The following HAO2 variants were observed in gnomAD, a reference collection of about 807,000 sequenced individuals.
HAO2 encodes the protein hydroxyacid oxidase 2, also known as 2-Hydroxyacid oxidase 2.
HAO2 carries 42 observed loss-of-function variants against 37.4 expected under a neutral mutation model. That is an observed-to-expected ratio of 1.12 (90% CI 0.88 to 1.45). The LOEUF (loss-of-function observed/expected upper bound fraction) is 1.45, where lower values mean the gene tolerates loss of function less well. Ranked by LOEUF, HAO2 falls within the 40% of genes most tolerant of loss-of-function variation. The probability of loss-of-function intolerance (pLI) is 0.00; values close to 1 mark genes in which losing one functional copy is unlikely to be tolerated. For synonymous variants in HAO2, 180 were observed against 162.8 expected (o/e 1.11, Z -0.81); for missense variants, 476 against 430.2 (o/e 1.11, Z -0.94).
intron 1 of HAO2, among the ~76,000 whole-genome samples, chr1:119,377,328 T>C (rs916111253): frequency 1.3e-5 from 2 of 152,198 alleles, no homozygotes; most frequent in Non-Finnish European, 2.9e-5. Context: ...ACCTTCATTC[T>C]AGTTGCCAAC....
intron 5 of HAO2, among the ~76,000 whole-genome samples, chr1:119,389,765 T>A (rs1474659059): frequency 1.3e-5 from 2 of 152,144 alleles, no homozygotes; most frequent in African/African-American, 4.8e-5. Flanking sequence ...AGACTGTTCC[T>A]CTGCCATACA....
At chr1:119,380,376 C>T in intron 1 of HAO2, 1 of 316,822 alleles carries the variant, frequency 3.2e-6, no homozygotes, top group East Asian at 5.3e-5. Context: ...CCCAAATTAG[C>T]AAAAATAGGA....
Position 119,383,054 on chromosome 1 carries a change from A to G in HAO2, c.271A>G (p.Ser91Gly), listed in dbSNP as rs1285423005. Residue 91 changes from serine to glycine, a missense_variant, in exon 3 of 8, where the codon AGC becomes GGC. Transcript: ENST00000325945. The part of the protein sequence containing the change: ...HCLVWPDGEM[S>G]TARAAQAAGI... ...CCTTGTCTGGCCTGATGGGGAAATG[A>G]GCACAGCAAGAGGTATGAACCATCC... 6.2e-7 allele frequency: 1 copy of G among 1,612,074 alleles called. No homozygotes were observed. Among genetic ancestry groups the G allele is most frequent in the African/African-American group, 1.3e-5 (1 of 74,890 alleles).
chr1:119,388,459 G>A (rs1293776160), intron 5 of HAO2, among the ~76,000 whole-genome samples: 1 of 152,190 alleles, frequency 6.6e-6, no homozygotes, highest in Non-Finnish European at 1.5e-5. Flanking sequence ...ATGAGTATTG[G>A]CTAAGGTAGG....
At chr1:119,385,929 A>G (rs1320991458) in intron 4 of HAO2, 1 of 975,054 alleles carries the variant, frequency 1.0e-6, no homozygotes, top group Non-Finnish European at 1.2e-6. Flanking sequence ...AGTATTGCTT[A>G]GTTCTTATCC....
chr1:119,372,827 T>C (rs982336292), intron 1 of HAO2, among the ~76,000 whole-genome samples: 7 of 152,184 alleles, frequency 4.6e-5, no homozygotes, highest in Non-Finnish European at 1.0e-4. Context: ...ATTGTGCTGG[T>C]TCCCTGTTCT....
intron 3 of HAO2, among the ~76,000 whole-genome samples, chr1:119,383,474 G>C (rs1650128026): frequency 6.6e-6 from 1 of 152,188 alleles, no homozygotes; most frequent in South Asian, 2.1e-4. Context: ...GATGAGGAGA[G>C]AATCACGACA....
rs1428133566 is a variant in HAO2, at chr1:119,393,822, C to A, written c.1038C>A (p.Val346=). 6.2e-7 allele frequency: 1 copy of A among 1,613,040 alleles called. No individual in the cohort carries two copies. Among genetic ancestry groups the A allele is most frequent in the Non-Finnish European group, 8.5e-7 (1 of 1,179,338 alleles). ...RSVAEINRNL[V]QFSRL is the part of the protein sequence containing the mutation. ...TCGCTGAGATCAATCGAAACTTGGT[C>A]CAGTTTTCCAGGCTGTAAGAAAAAA... Residue 346 remains valine, a synonymous_variant, in exon 8 of 8, where the codon GTC becomes GTA. Transcript: ENST00000325945.
In HAO2 at chr1:119,384,953, T is replaced by C; in HGVS notation, c.461T>C (p.Val154Ala). 6.2e-7 allele frequency: 1 copy of C among 1,613,588 alleles called. No individual in the cohort carries two copies. Among genetic ancestry groups the C allele is most frequent in the South Asian group, 1.1e-5 (1 of 91,074 alleles). ...RVESLGFKAL[V>A]ITLDTPVCGN... ...GAATCCCTAGGTTTCAAAGCTTTGG[T>C]AATAACTTTGGATACACCTGTATGT... is the stretch of plus-strand genomic sequence containing the variant. Residue 154 changes from valine to alanine, a missense_variant, in exon 4 of 8, where the codon GTA becomes GCA. Physicochemically the swap from Val to Ala is moderately conservative, Grantham distance 64. Coordinates refer to ENST00000325945, the MANE Select transcript of HAO2 (RefSeq NM_016527.4).
chr1:119,371,257 G>T (rs1313727504), intron 1 of HAO2, among the ~76,000 whole-genome samples: 1 of 152,160 alleles, frequency 6.6e-6, no homozygotes, highest in Non-Finnish European at 1.5e-5. Flanking sequence ...ATACTCACGT[G>T]AATTATCCGA....
At position 119,391,869 on chromosome 1, in the gene HAO2, G is replaced by A. The variant is rs587773250; in HGVS notation, c.772-241G>A. Among the ~76,000 whole-genome samples, 3 of 152,284 alleles carry A rather than the reference G, an allele frequency of 2.0e-5. No homozygotes were observed. In the South Asian group the frequency reaches 6.2e-4, roughly 32 times the overall value. ...AATAACCAAGCAGTTCTTCCAACTTGTAAGACAGTTAAGTGAGTCAGAGAG... is the reference window on the plus strand; with the variant it reads ...AATAACCAAGCAGTTCTTCCAACTTATAAGACAGTTAAGTGAGTCAGAGAG... On this transcript the variant is annotated intron_variant, in intron 5 of 7. Coordinates refer to ENST00000325945, the MANE Select transcript of HAO2 (RefSeq NM_016527.4).
chr1:119,378,966 T>C (rs934000205), intron 1 of HAO2, among the ~76,000 whole-genome samples: 2 of 152,222 alleles, frequency 1.3e-5, no homozygotes, highest in African/African-American at 4.8e-5. Context: ...GTCCCAGGTT[T>C]GGTTCTTCAT....
intron 6 of HAO2, 145 bp from the exon 7 acceptor site, chr1:119,392,473 C>G (rs968128135): frequency 4.1e-6 from 3 of 740,488 alleles, no homozygotes; most frequent in Non-Finnish European, 4.7e-6. Context: ...CTGTGCTTTC[C>G]TTTATTCCCA....
rs587638602 is a variant in HAO2, at chr1:119,377,142, G to C, written c.-8-3936G>C. Among the ~76,000 whole-genome samples, 23 of 152,112 alleles carry C rather than the reference G, an allele frequency of 1.5e-4. No individual in the cohort carries two copies. In the South Asian group the frequency reaches 4.8e-3, roughly 32 times the overall value. ...TTTCAATTTTAAACCATATATTTTTGAATACATAAAACTGAATGCTGTTAA... is the reference window on the plus strand; with the variant it reads ...TTTCAATTTTAAACCATATATTTTTCAATACATAAAACTGAATGCTGTTAA... On this transcript the variant is annotated intron_variant, in intron 1 of 7. Coordinates refer to ENST00000325945, the MANE Select transcript of HAO2 (RefSeq NM_016527.4).
intron 1 of HAO2, among the ~76,000 whole-genome samples, chr1:119,380,189 G>A (rs1649804474): frequency 6.6e-6 from 1 of 152,128 alleles, no homozygotes; most frequent in Admixed American, 6.6e-5. Flanking sequence ...AGTGTCTTCA[G>A]CGTCTCTGCT....
At position 119,383,004 on chromosome 1, in the gene HAO2, G is replaced by C. The variant is rs760039361; in HGVS notation, c.221G>C (p.Cys74Ser). The C allele has an allele frequency of 6.2e-7, 1 of 1,613,120 alleles. No individual in the cohort carries two copies. Among genetic ancestry groups the C allele is most frequent in the African/African-American group, 1.3e-5 (1 of 75,030 alleles). The change falls in exon 3 of 8, where the codon TGT (cysteine) becomes TCT (serine). Residue 74 changes from cysteine (C) to serine (S), a missense_variant. By Grantham distance (112) the Cys-to-Ser change is moderately radical (BLOSUM62 -1). Coordinates refer to ENST00000325945, the MANE Select transcript of HAO2 (RefSeq NM_016527.4). The stretch of plus-strand genomic sequence containing the variant: ...GGGGAGGAGATCAGTGCCCCTATTT[G>C]TATCGCACCCACAGGGTTCCACTGC... ...IQGEEISAPI[C>S]IAPTGFHCLV...
chr1:119,383,863 T>C lies in HAO2; in HGVS notation c.283+797T>C, dbSNP rs587761329. On this transcript the variant is annotated intron_variant, in intron 3 of 7. Transcript: ENST00000325945. ...GAGCTGAATGTGACATCCATCTTGATGGGGTCTAGGGACCAGGTCTAGCTA... is the reference window on the plus strand; with the variant it reads ...GAGCTGAATGTGACATCCATCTTGACGGGGTCTAGGGACCAGGTCTAGCTA... Among the ~76,000 whole-genome samples, 19 of 152,276 alleles carry C rather than the reference T, an allele frequency of 1.2e-4. No individual in the cohort carries two copies. In the South Asian group the frequency reaches 3.9e-3, roughly 32 times the overall value.
chr1:119,381,146 A>G lies in HAO2; in HGVS notation c.61A>G (p.Thr21Ala). The G allele has an allele frequency of 6.2e-7, 1 of 1,610,460 alleles. No individual in the cohort carries two copies. The highest frequency in any genetic ancestry group is 8.5e-7 in the Non-Finnish European group (1 of 1,176,648). ...TGCGCGAGAGCAGCTGTCTAAGTCA[A>G]CTCGGGATTTTATTGAAGGTGGAGC... ...AHAREQLSKS[T>A]RDFIEGGADD... is the part of the protein sequence containing the mutation. Residue 21 changes from threonine (T) to alanine (A), a missense_variant, in exon 2 of 8, where the codon ACT becomes GCT. Thr to Ala is a moderately conservative substitution (Grantham distance 58). Coordinates refer to ENST00000325945, the MANE Select transcript of HAO2 (RefSeq NM_016527.4).
rs587636818 is a variant in HAO2 at position 119,370,569 on chromosome 1, T to C, written c.-9+1667T>C. Reference sequence around the variant, plus strand: ...CAGCCCTATGGGATGGATGTTAATATTCTCCTTTAACAAATAAATTTTGCA... The same window carrying C: ...CAGCCCTATGGGATGGATGTTAATACTCTCCTTTAACAAATAAATTTTGCA... On this transcript the variant is annotated intron_variant, in intron 1 of 7. Transcript: ENST00000325945. 2.4e-4 allele frequency among the ~76,000 whole-genome samples: 37 copies of C among 152,332 alleles called. No individual in the cohort carries two copies. In the Middle Eastern group the frequency reaches 0.014, roughly 56 times the overall value.
Sources: allele counts gnomAD v4.1 joint callset (sites outside exome capture counted in the v4.1 genomes callset), GRCh38; gene constraint gnomAD v4.1.1; transcripts MANE v1.5; gene names NCBI Gene and HGNC (gene_info 2026-07-23, HGNC 2026-07-21).